Variants in LUC7L observed in about 807,000 individuals in gnomAD.
LUC7L encodes LUC7 like, also known as putative RNA-binding protein Luc7-like 1.
In LUC7L, 29 loss-of-function variants were observed where a neutral mutation model predicts 51.1. That is an observed-to-expected ratio of 0.57 (90% CI 0.42 to 0.77). The LOEUF (loss-of-function observed/expected upper bound fraction) is 0.77, where lower values mean the gene tolerates loss of function less well. Among genes scored for constraint, LUC7L ranks in the 30% least tolerant of loss-of-function variants. The pLI is 0.00. For synonymous variants in LUC7L, 181 were observed against 180.7 expected, an observed-to-expected ratio of 1.00 and a Z score of -0.01; for missense variants, 403 against 511.9, an observed-to-expected ratio of 0.79 and a Z score of 2.05.
At chr16:190,940 G>A in intron 7 of LUC7L, 1 of 180,138 alleles carries the variant, frequency 5.6e-6, no homozygotes, top group Non-Finnish European at 1.2e-5. Flanking sequence ...CACCCTCTTG[G>A]GGGAGGACTC....
chr16:190,448 G>C lies in LUC7L; in HGVS notation c.806+93C>G, dbSNP rs372135714. The C allele has an allele frequency of 2.2e-6, 3 of 1,343,762 alleles. No individual in the cohort carries two copies. In the African/African-American group the frequency reaches 4.4e-5, roughly 19 times the overall value. 83.2% of individuals were successfully genotyped at this position (1,343,762 alleles called of 1,614,324 possible). ...CTTCACAAGCCAGCCCTACCTGCCA[G>C]GTAACATTTGTAAAGGCATAATCAT... On this transcript the variant is annotated intron_variant, in intron 8 of 9. Transcript: ENST00000293872.
rs111294392 is a variant in LUC7L at position 217,019 on chromosome 16, AT to A, written c.255+3629del. 7.3e-3 allele frequency among the ~76,000 whole-genome samples: 1,089 copies of A among 148,714 alleles called. 19 individuals are homozygous for A. Among genetic ancestry groups the A allele is most frequent in the African/African-American group, 0.024 (980 of 40,818 alleles). Reference sequence around the variant, plus strand: ...GGCCAAGGCCACTATTTTAAATAGAATTTTTTTTTTTGAGACAGAGTTTCGC... The same window carrying A: ...GGCCAAGGCCACTATTTTAAATAGAATTTTTTTTTTGAGACAGAGTTTCGC... On this transcript the variant is annotated intron_variant, in intron 3 of 9. Transcript: ENST00000293872.
intron 6 of LUC7L, among the ~76,000 whole-genome samples, chr16:196,789 A>C (rs2049160681): frequency 6.6e-6 from 1 of 152,034 alleles, no homozygotes. Context: ...AGCCTCCCAA[A>C]GTGCTGGGAT....
chr16:228,375 G>C, intron 1 of LUC7L: 1 of 1,303,944 alleles, frequency 7.7e-7, no homozygotes, highest in Non-Finnish European at 1.0e-6. Context: ...CTTGCAGATT[G>C]ATGTAGGCAG....
intron 3 of LUC7L, among the ~76,000 whole-genome samples, chr16:217,043 C>T (rs2049823042): frequency 6.6e-6 from 1 of 151,796 alleles, no homozygotes; most frequent in African/African-American, 2.4e-5. Context: ...GACAGAGTTT[C>T]GCTCTGTCAC....
In LUC7L at chr16:189,008, T is replaced by G; in HGVS notation, c.*190A>C. On this transcript the variant is annotated 3_prime_UTR_variant, in exon 10 of 10. Transcript: ENST00000293872. Reference sequence around the variant, plus strand: ...CGCAGCCTCAGGAGGCAGCATCAGATTTATTTATTCCTACTCAACATGACC... The same window carrying G: ...CGCAGCCTCAGGAGGCAGCATCAGAGTTATTTATTCCTACTCAACATGACC... 1.7e-6 allele frequency: 1 copy of G among 591,968 alleles called. No homozygotes were observed. The allele number at this position is 591,968 out of a possible 1,614,324, so 36.7% of individuals were successfully genotyped here.
intron 3 of LUC7L, among the ~76,000 whole-genome samples, chr16:214,362 T>C (rs113123243): frequency 1.3e-5 from 2 of 152,266 alleles, no homozygotes; most frequent in East Asian, 1.9e-4. Flanking sequence ...GCCCTGCCTA[T>C]CATAAGCAAT....
At chr16:211,822 G>C (rs1567184953) in intron 3 of LUC7L, among the ~76,000 whole-genome samples, 1 of 152,202 alleles carries the variant, frequency 6.6e-6, no homozygotes, top group African/African-American at 2.4e-5. Context: ...TCTCCACTGA[G>C]GAGGCTGTCC....
intron 3 of LUC7L, among the ~76,000 whole-genome samples, chr16:218,334 C>A (rs988390744): frequency 6.6e-6 from 1 of 152,178 alleles, no homozygotes; most frequent in Non-Finnish European, 1.5e-5. Context: ...CACTCAAGAA[C>A]CAGAATGGCA....
At chr16:212,516 C>T (rs533634648) in intron 3 of LUC7L, among the ~76,000 whole-genome samples, 9 of 152,152 alleles carry the variant, frequency 5.9e-5, no homozygotes, top group Non-Finnish European at 1.2e-4. Context: ...CAGGGTCACA[C>T]AGGGACTCTA....
intron 3 of LUC7L, among the ~76,000 whole-genome samples, chr16:216,540 G>C (rs1257588664): frequency 6.6e-6 from 1 of 151,528 alleles, no homozygotes; most frequent in Non-Finnish European, 1.5e-5. Context: ...CCACCACCAT[G>C]ACCGGCTGAT....
chr16:211,038 G>A (rs2049625015), intron 3 of LUC7L, among the ~76,000 whole-genome samples: 1 of 143,736 alleles, frequency 7.0e-6, no homozygotes, highest in Non-Finnish European at 1.5e-5. Flanking sequence ...GGGTGACAGG[G>A]CAACACTCCG....
intron 5 of LUC7L, among the ~76,000 whole-genome samples, chr16:202,236 G>A (rs1316961414): frequency 8.2e-6 from 1 of 121,266 alleles, no homozygotes; most frequent in Non-Finnish European, 2.0e-5. Context: ...CATATCACAT[G>A]GCAAAAGAAG....
rs2048981791 is a variant in LUC7L, at chr16:190,423, C to A, written c.806+118G>T. The A allele has an allele frequency of 2.6e-6, 3 of 1,142,734 alleles. No homozygotes were observed. In the South Asian group the frequency reaches 3.9e-5, roughly 15 times the overall value. The allele number at this position is 1,142,734 out of a possible 1,614,324, so 70.8% of individuals were successfully genotyped here. A position where few individuals can be genotyped will look rare whatever the true frequency, so the allele number is the denominator to read the frequency against. On this transcript the variant is annotated intron_variant, in intron 8 of 9. Transcript: ENST00000293872. ...ACCAAGCAACCTCTTGCCCTGTGCC[C>A]TTCACAAGCCAGCCCTACCTGCCAG...
intron 6 of LUC7L, among the ~76,000 whole-genome samples, chr16:193,807 T>C (rs1360585491): frequency 2.1e-5 from 1 of 47,496 alleles, no homozygotes; most frequent in East Asian, 4.5e-4. Context: ...TTACATTTAC[T>C]TTTTTTTTTT....
At chr16:208,386 T>C (rs568077933) in intron 3 of LUC7L, 198 bp from the exon 4 acceptor site, 7 of 495,044 alleles carry the variant, frequency 1.4e-5, no homozygotes, top group African/African-American at 1.2e-4. Flanking sequence ...ACAGAATGAT[T>C]GTTTGGAAGC....
intron 1 of LUC7L, chr16:228,392 A>G (rs2050180948): frequency 7.7e-7 from 1 of 1,303,190 alleles, no homozygotes; most frequent in African/African-American, 1.5e-5. Context: ...GCAGGCAAAG[A>G]TACACTGAAC....
intron 5 of LUC7L, among the ~76,000 whole-genome samples, chr16:201,242 TAAAAA>T (rs764945208): frequency 8.9e-5 from 7 of 78,520 alleles, no homozygotes; most frequent in South Asian, 1.1e-3. Context: ...GCTACATAAC[TAAAAA>T]AAAAAAAAAA....
chr16:200,109 A>T (rs1420249309), intron 5 of LUC7L, among the ~76,000 whole-genome samples: 3 of 151,786 alleles, frequency 2.0e-5, no homozygotes, highest in Non-Finnish European at 1.5e-5. Flanking sequence ...GCAACATAGC[A>T]AAACCCTGTC....
Sources: allele counts gnomAD v4.1 joint callset (sites outside exome capture counted in the v4.1 genomes callset), GRCh38; gene constraint gnomAD v4.1.1; transcripts MANE v1.5; gene names NCBI Gene and HGNC (gene_info 2026-07-23, HGNC 2026-07-21).